The following SLC35F1 variants were observed in gnomAD, a reference collection of about 807,000 sequenced individuals.
SLC35F1 encodes the protein chromosome 6 open reading frame 169.
Under a neutral mutation model 48.7 loss-of-function variants are expected in SLC35F1, and 14 were observed. The ratio of observed to expected loss-of-function variants is 0.29; its 90% CI spans 0.19 to 0.45. The LOEUF is 0.45. SLC35F1 is among the 20% of genes least tolerant of loss of function. The pLI, the probability that SLC35F1 is intolerant of heterozygous loss-of-function variation, is 1.00. For missense variants in SLC35F1, 404 were observed against 500.0 expected (o/e 0.81, Z 1.83); for synonymous variants, 190 against 202.2 (o/e 0.94, Z 0.51).
chr6:118,206,947 A>T (rs554829999), intron 2 of SLC35F1, among the ~76,000 whole-genome samples: 3 of 145,260 alleles, frequency 2.1e-5, no homozygotes, highest in Admixed American at 6.7e-5. Flanking sequence ...CTTAGTGTTT[A>T]AAAAAAAATA....
Position 118,315,433 on chromosome 6 carries a change from C to CTTTTTTT in SLC35F1, c.*1199_*1205dup, listed in dbSNP as rs11293041. 2.5e-5 allele frequency: 2 copies of CTTTTTTT among 78,918 alleles called. No homozygotes were observed. Among genetic ancestry groups the CTTTTTTT allele is most frequent in the African/African-American group, 5.0e-5 (1 of 19,990 alleles). The allele number at this position is 78,918 out of a possible 1,614,324, so 4.9% of individuals were successfully genotyped here. A position where few individuals can be genotyped will look rare whatever the true frequency, so the allele number is the denominator to read the frequency against. ...ATAACAGATATATTGACACGACATTCTTTTTTTTTTTTTTTTTTTTTTTTG... is the reference window on the plus strand; with the variant it reads ...ATAACAGATATATTGACACGACATTCTTTTTTTTTTTTTTTTTTTTTTTTTTTTTTTG... On this transcript the variant is annotated 3_prime_UTR_variant, in exon 8 of 8. Transcript: ENST00000360388.
At chr6:118,156,113 T>G (rs185766920) in intron 2 of SLC35F1, among the ~76,000 whole-genome samples, 7 of 152,278 alleles carry the variant, frequency 4.6e-5, no homozygotes, top group Admixed American at 3.9e-4. Flanking sequence ...TCAATAGTCA[T>G]TATTATTTTA....
chr6:118,125,922 C>T (rs1007257206), intron 1 of SLC35F1, among the ~76,000 whole-genome samples: 21 of 152,262 alleles, frequency 1.4e-4, no homozygotes, highest in Admixed American at 3.3e-4. Flanking sequence ...CGTGGATAAT[C>T]GCTGTTCTTT....
chr6:118,025,435 C>A (rs1026130401), intron 1 of SLC35F1, among the ~76,000 whole-genome samples: 1 of 152,142 alleles, frequency 6.6e-6, no homozygotes, highest in Admixed American at 6.6e-5. Flanking sequence ...CCTTGATCAC[C>A]TGGCTGAGAT....
intron 7 of SLC35F1, among the ~76,000 whole-genome samples, chr6:118,312,443 A>T (rs924879967): frequency 1.3e-5 from 2 of 152,230 alleles, no homozygotes; most frequent in African/African-American, 4.8e-5. Context: ...TTTATGAATC[A>T]AAGAATGAGG....
At chr6:118,112,047 A>C (rs1773409536) in intron 1 of SLC35F1, among the ~76,000 whole-genome samples, 1 of 148,460 alleles carries the variant, frequency 6.7e-6, no homozygotes, top group African/African-American at 2.6e-5. Flanking sequence ...CTTGAGAACA[A>C]AGGCCTTTCT....
chr6:118,297,642 A>AGT (rs1158125735), intron 7 of SLC35F1, among the ~76,000 whole-genome samples: 1 of 37,460 alleles, frequency 2.7e-5, no homozygotes, highest in Non-Finnish European at 6.2e-5. Context: ...ATATATAAAA[A>AGT]ATATATATAT....
At chr6:118,299,692 T>C (rs1032251079) in intron 7 of SLC35F1, among the ~76,000 whole-genome samples, 1 of 152,178 alleles carries the variant, frequency 6.6e-6, no homozygotes, top group Non-Finnish European at 1.5e-5. Flanking sequence ...TTTATGTTGG[T>C]GGAAAAGGCT....
chr6:118,234,251 C>G (rs1226155935), intron 2 of SLC35F1, among the ~76,000 whole-genome samples: 2 of 152,168 alleles, frequency 1.3e-5, no homozygotes, highest in Non-Finnish European at 2.9e-5. Context: ...ATGAAATTCT[C>G]TCCCCTTGAA....
intron 1 of SLC35F1, among the ~76,000 whole-genome samples, chr6:117,964,768 G>C (rs929787209): frequency 2.0e-5 from 3 of 152,200 alleles, no homozygotes; most frequent in African/African-American, 7.2e-5. Flanking sequence ...TTTGGTCTAG[G>C]ACTTGCTGCT....
intron 1 of SLC35F1, among the ~76,000 whole-genome samples, chr6:118,148,126 C>A (rs1369130168): frequency 6.6e-6 from 1 of 152,116 alleles, no homozygotes; most frequent in Non-Finnish European, 1.5e-5. Flanking sequence ...CTTAGGTGTT[C>A]ATTATGTATG....
At chr6:118,109,936 T>C (rs1773376009) in intron 1 of SLC35F1, among the ~76,000 whole-genome samples, 1 of 152,216 alleles carries the variant, frequency 6.6e-6, no homozygotes, top group Non-Finnish European at 1.5e-5. Flanking sequence ...AGGGACTATA[T>C]TAGTTATTGG....
intron 1 of SLC35F1, among the ~76,000 whole-genome samples, chr6:118,054,270 G>A (rs1772431967): frequency 6.6e-6 from 1 of 152,130 alleles, no homozygotes; most frequent in African/African-American, 2.4e-5. Context: ...TCAGAGAGAG[G>A]GAGCCCTGGG....
At chr6:118,302,100 G>A (rs867056058) in intron 7 of SLC35F1, among the ~76,000 whole-genome samples, 25 of 151,768 alleles carry the variant, frequency 1.6e-4, no homozygotes, top group African/African-American at 5.6e-4. Flanking sequence ...GGCATCTAAC[G>A]CCGTATCTAT....
In SLC35F1 at chr6:118,142,833, T is replaced by C. The variant is rs1215813988; in HGVS notation, c.174-11612T>C. Among the ~76,000 whole-genome samples, 4 of 152,170 alleles carry C rather than the reference T, an allele frequency of 2.6e-5. No individual in the cohort carries two copies. In the East Asian group the frequency reaches 5.8e-4, roughly 22 times the overall value. On this transcript the variant is annotated intron_variant, in intron 1 of 7. Coordinates refer to ENST00000360388, the MANE Select transcript of SLC35F1 (RefSeq NM_001029858.4). ...GTAACAGGGCAATTGGAGTCATCTT[T>C]TGATGCAAAGAATGATGAAGAAAAA...
chr6:118,138,972 A>T (rs1773840624), intron 1 of SLC35F1, among the ~76,000 whole-genome samples: 1 of 27,362 alleles, frequency 3.7e-5, no homozygotes, highest in Admixed American at 3.7e-4. Flanking sequence ...TTCAGCAGAA[A>T]CACACACACA....
intron 1 of SLC35F1, among the ~76,000 whole-genome samples, chr6:118,130,355 G>A (rs370829859): frequency 6.6e-6 from 1 of 152,254 alleles, no homozygotes; most frequent in East Asian, 1.9e-4. Flanking sequence ...AGTGAAGATA[G>A]TTTCTTCCAC....
intron 1 of SLC35F1, among the ~76,000 whole-genome samples, chr6:117,950,074 C>G (rs960144602): frequency 6.6e-6 from 1 of 152,122 alleles, no homozygotes; most frequent in African/African-American, 2.4e-5. Flanking sequence ...TCTATGCTAC[C>G]CATTTTCTTG....
At chr6:118,282,335 A>G (rs767902014) in intron 6 of SLC35F1, among the ~76,000 whole-genome samples, 9 of 152,238 alleles carry the variant, frequency 5.9e-5, no homozygotes, top group Non-Finnish European at 1.2e-4. Flanking sequence ...GAAACAGTAT[A>G]TTCACATGCA....
Sources: allele counts gnomAD v4.1 joint callset (sites outside exome capture counted in the v4.1 genomes callset), GRCh38; gene constraint gnomAD v4.1.1; transcripts MANE v1.5; gene names NCBI Gene and HGNC (gene_info 2026-07-23, HGNC 2026-07-21).